NEO1: variants seen among roughly 807,000 people sequenced by gnomAD.
NEO1 encodes neogenin 1, also known as neogenin.
Under a neutral mutation model 159.7 loss-of-function variants are expected in NEO1, and 63 were observed. The observed-to-expected ratio is 0.39, with a 90% CI of 0.32 to 0.49. NEO1 has a LOEUF of 0.49. NEO1 is among the 20% of genes least tolerant of loss of function. NEO1 has a pLI of 0.85. For missense variants in NEO1, 1,615 were observed against 1,831.0 expected, an observed-to-expected ratio of 0.88 and a Z score of 2.15; for synonymous variants, 633 against 662.0, an observed-to-expected ratio of 0.96 and a Z score of 0.67.
chr15:73,127,250 T>C (rs2030411611), intron 4 of NEO1, among the ~76,000 whole-genome samples: 1 of 146,320 alleles, frequency 6.8e-6, no homozygotes. Flanking sequence ...AAAAAGAAAC[T>C]GTATTCCTCA....
At chr15:73,186,916 T>C (rs772208286) in intron 7 of NEO1, among the ~76,000 whole-genome samples, 2 of 152,180 alleles carry the variant, frequency 1.3e-5, no homozygotes. Context: ...CCTTGGCTGC[T>C]CCGGTGAAAC....
chr15:73,122,674 A>G lies in NEO1; in HGVS notation c.598A>G (p.Lys200Glu). Residue 200 changes from lysine (K) to glutamate (E), a missense_variant, in exon 3 of 29, where the codon AAA becomes GAA. Transcript: ENST00000261908. Reference sequence around the variant, plus strand: ...CCTTCTTCTGGATGATAGAGTTATCAAACTTCCAAGTGGAATGCTGGTTAT... The same window carrying G: ...CCTTCTTCTGGATGATAGAGTTATCGAACTTCCAAGTGGAATGCTGGTTAT... ...QPLLLDDRVI[K>E]LPSGMLVISN... 6.2e-7 allele frequency: 1 copy of G among 1,614,180 alleles called. No individual in the cohort carries two copies. Among genetic ancestry groups the G allele is most frequent in the Non-Finnish European group, 8.5e-7 (1 of 1,180,026 alleles).
At chr15:73,226,231 C>T (rs867974737) in intron 7 of NEO1, among the ~76,000 whole-genome samples, 15 of 152,182 alleles carry the variant, frequency 9.9e-5, no homozygotes, top group African/African-American at 2.9e-4. Context: ...CTGGTTTGTT[C>T]TTGCAGTCAA....
chr15:73,162,331 G>A (rs1262557652), intron 5 of NEO1: 1 of 203,876 alleles, frequency 4.9e-6, no homozygotes, highest in South Asian at 9.7e-5. Flanking sequence ...GGAAATCATT[G>A]GCTGTTCAAA....
intron 1 of NEO1, among the ~76,000 whole-genome samples, chr15:73,082,617 A>T (rs1430076696): frequency 1.3e-5 from 2 of 151,952 alleles, no homozygotes; most frequent in Non-Finnish European, 2.9e-5. Flanking sequence ...TTGTTTATTC[A>T]CTTAAAAATA....
intron 7 of NEO1, among the ~76,000 whole-genome samples, chr15:73,226,570 T>A (rs1339661090): frequency 2.6e-5 from 4 of 152,220 alleles, no homozygotes; most frequent in Non-Finnish European, 4.4e-5. Context: ...ATTTGATTGT[T>A]GTTCTCTTTT....
At chr15:73,114,308 G>T (rs2071169977) in intron 1 of NEO1, among the ~76,000 whole-genome samples, 1 of 152,188 alleles carries the variant, frequency 6.6e-6, no homozygotes, top group Non-Finnish European at 1.5e-5. Context: ...GGTGACTGAC[G>T]TGGCAGTCGA....
intron 1 of NEO1, among the ~76,000 whole-genome samples, chr15:73,102,280 C>A (rs780911393): frequency 6.6e-6 from 1 of 152,068 alleles, no homozygotes; most frequent in Non-Finnish European, 1.5e-5. Flanking sequence ...GCAGAAGAAT[C>A]GCTTGAACCC....
At chr15:73,194,092 G>T (rs2036390574) in intron 7 of NEO1, among the ~76,000 whole-genome samples, 1 of 152,162 alleles carries the variant, frequency 6.6e-6, no homozygotes, top group Non-Finnish European at 1.5e-5. Flanking sequence ...AAGTCAAAGG[G>T]TTGGAATTTG....
chr15:73,091,548 GTTGTTA>G (rs1167405574), intron 1 of NEO1, among the ~76,000 whole-genome samples: 1 of 151,740 alleles, frequency 6.6e-6, no homozygotes, highest in African/African-American at 2.4e-5. Flanking sequence ...TCGTTTTGTT[GTTGTTA>G]TTGTTTGTTT....
Position 73,116,644 on chromosome 15 carries a change from G to C in NEO1, c.235G>C (p.Glu79Gln). Reference sequence around the variant, plus strand: ...TATATTAAACTGTTCAGCATATTCTGAGCCTTCTCCAAAAATTGAATGGAA... The same window carrying C: ...TATATTAAACTGTTCAGCATATTCTCAGCCTTCTCCAAAAATTGAATGGAA... ...SVILNCSAYS[E>Q]PSPKIEWKKD... Residue 79 changes from glutamate to glutamine, a missense_variant, in exon 2 of 29, where the codon GAG (glutamate) becomes CAG (glutamine). Around this residue, in one of 3 missense-constraint regions of NEO1, gnomAD observed 1,018 missense variants for 1,115.4 expected, o/e 0.91. Transcript: ENST00000261908. 2.0e-5 allele frequency: 32 copies of C among 1,613,914 alleles called. No individual in the cohort carries two copies. The highest frequency in any genetic ancestry group is 2.6e-5 in the Non-Finnish European group (31 of 1,179,922).
chr15:73,283,020 G>T lies in NEO1; in HGVS notation c.3319G>T (p.Val1107Phe), dbSNP rs1236016145. 1 of 1,614,150 alleles carries T rather than the reference G, an allele frequency of 6.2e-7. No individual in the cohort carries two copies. The highest frequency in any genetic ancestry group is 1.7e-5 in the Admixed American group (1 of 60,016). ...TCCTCTGGACAGTAATATGCTGCTG[G>T]TCATAATTGTTTCTGTTGGCGTCAT... ...TSPLDSNMLLVIIVSVGVITI... is the reference protein window; with the variant it reads ...TSPLDSNMLLFIIVSVGVITI... The change falls in exon 23 of 29, where the codon GTC becomes TTC. Residue 1107 changes from valine (V) to phenylalanine (F), a missense_variant. Val to Phe is a conservative substitution (Grantham distance 50, BLOSUM62 -1). Transcript: ENST00000261908.
chr15:73,279,472 T>C (rs1281947412), intron 22 of NEO1, among the ~76,000 whole-genome samples: 2 of 150,904 alleles, frequency 1.3e-5, no homozygotes, highest in African/African-American at 4.9e-5. Context: ...CCTCAGCCTC[T>C]CGAGTAGCTG....
At chr15:73,187,330 C>T (rs1485619637) in intron 7 of NEO1, among the ~76,000 whole-genome samples, 1 of 152,104 alleles carries the variant, frequency 6.6e-6, no homozygotes, top group Non-Finnish European at 1.5e-5. Flanking sequence ...ATTATTCATA[C>T]ACCAAGTCTG....
chr15:73,105,036 T>A (rs2070611398), intron 1 of NEO1, among the ~76,000 whole-genome samples: 1 of 152,192 alleles, frequency 6.6e-6, no homozygotes, highest in Non-Finnish European at 1.5e-5. Context: ...AGAGCACCTC[T>A]TGAAAAATGT....
At chr15:73,185,360 G>A (rs1400080063) in intron 7 of NEO1, among the ~76,000 whole-genome samples, 1 of 152,118 alleles carries the variant, frequency 6.6e-6, no homozygotes, top group Non-Finnish European at 1.5e-5. Context: ...GATAATGGGG[G>A]AAACTATGCA....
intron 1 of NEO1, among the ~76,000 whole-genome samples, chr15:73,093,593 A>C (rs1360605764): frequency 6.9e-6 from 1 of 144,558 alleles, no homozygotes; most frequent in Non-Finnish European, 1.5e-5. Flanking sequence ...TTCTTTTTGG[A>C]TACAAGGTCG....
chr15:73,098,949 A>G (rs956181214), intron 1 of NEO1, among the ~76,000 whole-genome samples: 3 of 152,214 alleles, frequency 2.0e-5, no homozygotes, highest in Non-Finnish European at 2.9e-5. Context: ...GAGCAATTGT[A>G]TCTCACTGTA....
At chr15:73,070,389 C>T (rs947268577) in intron 1 of NEO1, among the ~76,000 whole-genome samples, 33 of 152,088 alleles carry the variant, frequency 2.2e-4, no homozygotes, top group Non-Finnish European at 1.0e-4. Context: ...TTACATGAAA[C>T]AAATGAAGTG....
Sources: allele counts gnomAD v4.1 joint callset (sites outside exome capture counted in the v4.1 genomes callset), GRCh38; gene constraint gnomAD v4.1.1; regional missense constraint gnomAD v4.1.1; transcripts MANE v1.5; gene names NCBI Gene and HGNC (gene_info 2026-07-23, HGNC 2026-07-21).